PCDH9: variants seen among roughly 807,000 people sequenced by gnomAD.
The protein encoded by PCDH9 is protocadherin-9.
PCDH9 carries 24 observed loss-of-function variants against 70.6 expected under a neutral mutation model. The observed-to-expected ratio is 0.34, with a 90% CI of 0.25 to 0.48. The LOEUF (loss-of-function observed/expected upper bound fraction) is 0.48, where lower values mean the gene tolerates loss of function less well. Ranked by LOEUF, PCDH9 falls within the 20% of genes least tolerant of loss-of-function variation. PCDH9 has a pLI of 0.99. For missense variants in PCDH9, 1,281 were observed against 1,503.6 expected (o/e 0.85, Z 2.45); for synonymous variants, 562 against 558.5 (o/e 1.01, Z -0.09).
chr13:66,874,670 T>C (rs2081764772), intron 3 of PCDH9, among the ~76,000 whole-genome samples: 1 of 152,050 alleles, frequency 6.6e-6, no homozygotes, highest in Non-Finnish European at 1.5e-5. Context: ...ACATTTAACA[T>C]AAGATAGGTG....
chr13:67,117,191 A>T (rs931521947), intron 2 of PCDH9, among the ~76,000 whole-genome samples: 3 of 152,174 alleles, frequency 2.0e-5, no homozygotes, highest in African/African-American at 7.2e-5. Context: ...TATTCTGTAG[A>T]TCCACTTTTC....
rs1299103837 is a variant in PCDH9 at position 67,181,097 on chromosome 13, C to T, written c.3036+44308G>A. Among the ~76,000 whole-genome samples the T allele has an allele frequency of 5.3e-5, 8 of 152,168 alleles. No individual in the cohort carries two copies. In the East Asian group the frequency reaches 1.2e-3, roughly 22 times the overall value. On this transcript the variant is annotated intron_variant, in intron 2 of 4. Transcript: ENST00000377865. ...CGGAACCCAGAGACAATCAGCTTGG[C>T]CTTTACCTTAGGTGCGGTCCTCTAT...
chr13:66,357,833 C>A (rs760856655), intron 4 of PCDH9, among the ~76,000 whole-genome samples: 2 of 152,050 alleles, frequency 1.3e-5, no homozygotes, highest in East Asian at 3.9e-4. Flanking sequence ...CAGCATGGAA[C>A]GCAGAGCTTT....
At chr13:66,736,312 C>G (rs1197986243) in intron 3 of PCDH9, among the ~76,000 whole-genome samples, 1 of 152,096 alleles carries the variant, frequency 6.6e-6, no homozygotes, top group Non-Finnish European at 1.5e-5. Context: ...GGGTCCTAAT[C>G]CAATCCGATG....
intron 4 of PCDH9, among the ~76,000 whole-genome samples, chr13:66,618,931 T>C (rs1328067134): frequency 2.0e-5 from 3 of 152,202 alleles, no homozygotes; most frequent in Non-Finnish European, 4.4e-5. Flanking sequence ...AATGTTACTA[T>C]AGATTTTTCC....
In PCDH9 at chr13:66,462,406, AGG is replaced by A. The variant is rs202153694; in HGVS notation, c.3341-157380_3341-157379del. ...GGAAGAGACATCTATTGGGGAAGTTAGGTTGGAACATAAGTTGTTTGCCTAAG... is the reference window on the plus strand; with the variant it reads ...GGAAGAGACATCTATTGGGGAAGTTATTGGAACATAAGTTGTTTGCCTAAG... On this transcript the variant is annotated intron_variant, in intron 4 of 4. Transcript: ENST00000377865. Among the ~76,000 whole-genome samples, 685 of 152,040 alleles carry A rather than the reference AGG, an allele frequency of 4.5e-3. 27 individuals are homozygous for A. The East Asian group carries it at 0.088, about 19-fold the overall frequency.
intron 4 of PCDH9, among the ~76,000 whole-genome samples, chr13:66,522,827 C>T (rs1960056869): frequency 6.6e-6 from 1 of 151,800 alleles, no homozygotes; most frequent in South Asian, 2.1e-4. Flanking sequence ...GATTTCTTGC[C>T]CCAGAAGTAG....
chr13:67,060,940 A>G (rs891757431), intron 2 of PCDH9, among the ~76,000 whole-genome samples: 2 of 152,122 alleles, frequency 1.3e-5, no homozygotes, highest in Non-Finnish European at 2.9e-5. Context: ...AGAGTACTTT[A>G]TTTGACAAAT....
intron 4 of PCDH9, among the ~76,000 whole-genome samples, chr13:66,504,585 A>G (rs535596710): frequency 6.6e-6 from 1 of 152,284 alleles, no homozygotes; most frequent in South Asian, 2.1e-4. Context: ...GGTTTGTTAC[A>G]TATCAGTAGG....
chr13:66,663,434 A>G (rs990443170), intron 3 of PCDH9, among the ~76,000 whole-genome samples: 2 of 152,208 alleles, frequency 1.3e-5, no homozygotes, highest in East Asian at 1.9e-4. Flanking sequence ...GACTAGACAT[A>G]TATTATCTTT....
intron 2 of PCDH9, among the ~76,000 whole-genome samples, chr13:67,007,941 C>G (rs2084384069): frequency 6.6e-6 from 1 of 152,134 alleles, no homozygotes; most frequent in African/African-American, 2.4e-5. Flanking sequence ...TTCTGGTCCT[C>G]TGTGATTGTA....
At chr13:66,931,954 A>G (rs1456400579) in intron 2 of PCDH9, among the ~76,000 whole-genome samples, 1 of 152,040 alleles carries the variant, frequency 6.6e-6, no homozygotes, top group Non-Finnish European at 1.5e-5. Flanking sequence ...ATGTATGTTT[A>G]TGTGTGTGGG....
intron 3 of PCDH9, among the ~76,000 whole-genome samples, chr13:66,661,865 TATC>T (rs1007196351): frequency 1.3e-5 from 2 of 152,196 alleles, no homozygotes; most frequent in Non-Finnish European, 2.9e-5. Context: ...GGAGTTATAA[TATC>T]ATAGCCTTTG....
chr13:67,138,228 TC>T (rs1369874179), intron 2 of PCDH9, among the ~76,000 whole-genome samples: 2 of 152,148 alleles, frequency 1.3e-5, no homozygotes, highest in Admixed American at 1.3e-4. Flanking sequence ...AAAGAACACA[TC>T]CCCATTTCAT....
chr13:66,437,182 C>T (rs1300922910), intron 4 of PCDH9, among the ~76,000 whole-genome samples: 1 of 151,404 alleles, frequency 6.6e-6, no homozygotes. Flanking sequence ...CCGAGATGGG[C>T]AGATCACAAG....
chr13:67,057,239 A>G (rs1489809348), intron 2 of PCDH9, among the ~76,000 whole-genome samples: 1 of 152,100 alleles, frequency 6.6e-6, no homozygotes, highest in Non-Finnish European at 1.5e-5. Flanking sequence ...TGCATGATAC[A>G]AAACATACTT....
At chr13:67,093,508 C>T (rs2086260506) in intron 2 of PCDH9, among the ~76,000 whole-genome samples, 1 of 151,960 alleles carries the variant, frequency 6.6e-6, no homozygotes, top group Admixed American at 6.6e-5. Flanking sequence ...AGATTGTCAA[C>T]TATACTCTCA....
At chr13:66,471,207 A>G (rs996114382) in intron 4 of PCDH9, among the ~76,000 whole-genome samples, 2 of 152,106 alleles carry the variant, frequency 1.3e-5, no homozygotes, top group South Asian at 2.1e-4. Context: ...CAGTTCGTAC[A>G]TGCCTTTTTT....
chr13:66,337,159 T>A (rs1017095132), intron 4 of PCDH9, among the ~76,000 whole-genome samples: 2 of 152,006 alleles, frequency 1.3e-5, no homozygotes, highest in African/African-American at 4.8e-5. Context: ...AAAGCAATAT[T>A]TGGTATATTC....
Sources: allele counts gnomAD v4.1 joint callset (sites outside exome capture counted in the v4.1 genomes callset), GRCh38; gene constraint gnomAD v4.1.1; transcripts MANE v1.5; gene names NCBI Gene and HGNC (gene_info 2026-07-23, HGNC 2026-07-21).